Variants in RBM45 observed in about 807,000 individuals in gnomAD.
RBM45 encodes the protein RNA binding motif protein 45.
Under a neutral mutation model 58.5 loss-of-function variants are expected in RBM45, and 39 were observed. That is an observed-to-expected ratio of 0.67 (90% confidence interval 0.52 to 0.87). The LOEUF (loss-of-function observed/expected upper bound fraction) is 0.87. Among genes scored for constraint, RBM45 ranks in the 40% least tolerant of loss-of-function variants. The pLI, the probability that RBM45 is intolerant of heterozygous loss-of-function variation, is 0.00. For synonymous variants in RBM45, 193 were observed against 203.0 expected (o/e 0.95, Z 0.42); for missense variants, 481 against 581.6 (o/e 0.83, Z 1.78).
At chr2:178,135,013 A>G (rs929813257) in intron 3 of RBM45, among the ~76,000 whole-genome samples, 2 of 152,202 alleles carry the variant, frequency 1.3e-5, no homozygotes, top group African/African-American at 4.8e-5. Context: ...TCTCAAAAAT[A>G]AATTTAAAAT....
downstream of RBM45, among the ~76,000 whole-genome samples, chr2:178,130,709 G>A (rs1231853500): frequency 3.9e-5 from 6 of 152,134 alleles, no homozygotes; most frequent in South Asian, 2.1e-4. Context: ...TTGTTAAAAC[G>A]TAATTATCTC....
chr2:178,118,048 C>T lies in RBM45; in HGVS notation c.424-7C>T, dbSNP rs771018050. 3.5e-5 allele frequency: 56 copies of T among 1,593,524 alleles called. No homozygotes were observed. Among genetic ancestry groups the T allele is most frequent in the Non-Finnish European group, 3.6e-5 (42 of 1,169,234 alleles). ...TCCCCTAAAATCATGTCTTTTAACT[C>T]TCTTAGGTGTATGGAGATATCGAGT... On this transcript the variant is annotated splice_polypyrimidine_tract_variant and splice_region_variant and intron_variant, in intron 2 of 9. Transcript: ENST00000286070.
chr2:178,121,334 T>C lies in RBM45; in HGVS notation c.828T>C (p.Val276=). Residue 276 remains valine (V), a synonymous_variant, in exon 5 of 10, where the codon GTT becomes GTC. Coordinates refer to ENST00000286070, the MANE Select transcript of RBM45 (RefSeq NM_152945.4). ...DIVPGLEYCE[V]QRDPYSNYGH... Reference sequence around the variant, plus strand: ...TACCAGGATTGGAATATTGTGAAGTTCAACGAGATCCTTATTCAAATTATG... The same window carrying C: ...TACCAGGATTGGAATATTGTGAAGTCCAACGAGATCCTTATTCAAATTATG... The C allele has an allele frequency of 6.4e-7, 1 of 1,570,550 alleles. No homozygotes were observed. The highest frequency in any genetic ancestry group is 1.7e-4 in the Middle Eastern group (1 of 5,898).
At chr2:178,127,088 C>T (rs1157520985) in intron 9 of RBM45, among the ~76,000 whole-genome samples, 1 of 152,130 alleles carries the variant, frequency 6.6e-6, no homozygotes, top group Non-Finnish European at 1.5e-5. Flanking sequence ...AGGCGCGTAC[C>T]ACCACGCCTG....
At chr2:178,116,478 A>G (rs931889004) in intron 2 of RBM45, 94 bp downstream of exon 2, 17 of 1,064,930 alleles carry the variant, frequency 1.6e-5, no homozygotes, top group South Asian at 2.4e-5. Flanking sequence ...AATAAGGTCA[A>G]TAGAGTAGTC....
intron 2 of RBM45, among the ~76,000 whole-genome samples, chr2:178,117,053 C>G (rs940750754): frequency 6.6e-6 from 1 of 152,088 alleles, no homozygotes; most frequent in Non-Finnish European, 1.5e-5. Flanking sequence ...AGCTTTCACA[C>G]AAATTATTAA....
intron 8 of RBM45, among the ~76,000 whole-genome samples, chr2:178,124,812 T>G (rs2087905527): frequency 6.6e-6 from 1 of 152,196 alleles, no homozygotes; most frequent in South Asian, 2.1e-4. Context: ...AGACCCTTTT[T>G]GTTTTTTGTG....
exon 4 of RBM45, chr2:178,138,326 C>T (rs1014651480): frequency 2.0e-5 from 3 of 151,990 alleles, no homozygotes; most frequent in African/African-American, 2.4e-5. Flanking sequence ...AAGCACCCTC[C>T]GACAAATATA....
intron 1 of RBM45, 69 bp downstream of exon 1, chr2:178,112,915 G>T: frequency 1.3e-6 from 2 of 1,495,158 alleles, no homozygotes; most frequent in South Asian, 1.2e-5. Flanking sequence ...TTCACCTGCT[G>T]CTCTGCCGGG....
chr2:178,132,446 C>T (rs1331807557), downstream of RBM45, among the ~76,000 whole-genome samples: 1 of 152,108 alleles, frequency 6.6e-6, no homozygotes, highest in Non-Finnish European at 1.5e-5. Context: ...TGAATGAATC[C>T]ATGGAAAGTA....
chr2:178,132,140 T>G (rs976894503), downstream of RBM45, among the ~76,000 whole-genome samples: 3 of 152,216 alleles, frequency 2.0e-5, no homozygotes, highest in African/African-American at 7.2e-5. Context: ...ACATTTAAAA[T>G]AAGCCTGATT....
At chr2:178,120,997 G>T in intron 4 of RBM45, 183 bp from the exon 5 acceptor site, 1 of 406,922 alleles carries the variant, frequency 2.5e-6, no homozygotes, top group Non-Finnish European at 4.3e-6. Context: ...AAAGGTAGGG[G>T]AGTGGGGAGA....
At chr2:178,115,907 C>G (rs995933358) in intron 1 of RBM45, among the ~76,000 whole-genome samples, 48 of 152,012 alleles carry the variant, frequency 3.2e-4, no homozygotes, top group African/African-American at 1.2e-3. Flanking sequence ...AATCCCAGCA[C>G]TTTGGAAGGT....
chr2:178,125,775 G>A (rs2153905824), intron 8 of RBM45: 3 of 695,930 alleles, frequency 4.3e-6, no homozygotes, highest in East Asian at 2.8e-5. Flanking sequence ...TGAAAAAGGA[G>A]TTAGATTAAG....
At chr2:178,117,355 G>A (rs1347176399) in intron 2 of RBM45, among the ~76,000 whole-genome samples, 1 of 151,932 alleles carries the variant, frequency 6.6e-6, no homozygotes, top group Non-Finnish European at 1.5e-5. Context: ...TAGTAATTAA[G>A]TTGCTAATTG....
chr2:178,117,811 A>G (rs1362130711), intron 2 of RBM45, among the ~76,000 whole-genome samples: 1 of 152,204 alleles, frequency 6.6e-6, no homozygotes, highest in African/African-American at 2.4e-5. Context: ...CTTTGGAGCT[A>G]TCCAGACCAT....
downstream of RBM45, among the ~76,000 whole-genome samples, chr2:178,131,905 A>T (rs955153681): frequency 6.6e-6 from 1 of 152,202 alleles, no homozygotes; most frequent in African/African-American, 2.4e-5. Context: ...AAAAAATTGC[A>T]TTTATTAATC....
chr2:178,128,182 G>A (rs2087959686), intron 9 of RBM45, among the ~76,000 whole-genome samples: 1 of 151,284 alleles, frequency 6.6e-6, no homozygotes, highest in South Asian at 2.1e-4. Flanking sequence ...ATTTTTTTTG[G>A]TAAGACAGGG....
intron 9 of RBM45, among the ~76,000 whole-genome samples, chr2:178,128,980 G>A (rs78009870): frequency 6.6e-6 from 1 of 152,234 alleles, no homozygotes; most frequent in Non-Finnish European, 1.5e-5. Context: ...TGCAAACACA[G>A]CTCATGAAGG....
Sources: gnomAD v4.1 joint callset for allele counts (sites outside exome capture counted in the v4.1 genomes callset) on GRCh38, gnomAD v4.1.1 for gene constraint, MANE v1.5 for transcripts, NCBI Gene and HGNC (gene_info 2026-07-23, HGNC 2026-07-21) for gene names.